The following VOPP1 variants were observed in gnomAD, a reference collection of about 807,000 sequenced individuals.
VOPP1 encodes the protein WW domain binding protein VOPP1.
A neutral mutation model predicts 23.5 loss-of-function variants in VOPP1; 8 were observed. That is an observed-to-expected ratio of 0.34 (90% CI 0.20 to 0.61). VOPP1 has a LOEUF of 0.61. Ranked by LOEUF, VOPP1 falls within the 20% of genes least tolerant of loss-of-function variation. The pLI is 0.78. For synonymous variants in VOPP1, 83 were observed against 97.3 expected (o/e 0.85, Z 0.86); for missense variants, 174 against 238.1 (o/e 0.73, Z 1.77).
At chr7:55,511,775 C>G (rs967624162) in intron 2 of VOPP1, among the ~76,000 whole-genome samples, 1 of 152,226 alleles carries the variant, frequency 6.6e-6, no homozygotes, top group African/African-American at 2.4e-5. Context: ...GTACTTCTTA[C>G]ATATATTGAT....
At chr7:55,554,830 CT>C (rs142083585) in intron 1 of VOPP1, among the ~76,000 whole-genome samples, 71 of 152,314 alleles carry the variant, frequency 4.7e-4, no homozygotes, top group African/African-American at 1.5e-3. Context: ...ACATAAACAA[CT>C]GTCATTGAAG....
chr7:55,535,101 T>TCAG (rs1214738950), intron 1 of VOPP1, among the ~76,000 whole-genome samples: 1 of 152,162 alleles, frequency 6.6e-6, no homozygotes, highest in Non-Finnish European at 1.5e-5. Context: ...GCTGGGGGAC[T>TCAG]CCTGACACTG....
chr7:55,441,365 G>A (rs1209083510), intron 4 of VOPP1, among the ~76,000 whole-genome samples: 1 of 152,214 alleles, frequency 6.6e-6, no homozygotes, highest in Non-Finnish European at 1.5e-5. Flanking sequence ...GACATCATCT[G>A]CTGATGCCTG....
chr7:55,451,778 G>A (rs111382704), intron 4 of VOPP1, among the ~76,000 whole-genome samples: 1,827 of 152,302 alleles, frequency 0.012, 13 homozygotes, highest in Admixed American at 0.021. Context: ...GCGACAGAGC[G>A]AGACTCTGTC....
Position 55,483,218 on chromosome 7 carries a change from C to T in VOPP1, c.328+9064G>A, listed in dbSNP as rs75522702. On this transcript the variant is annotated intron_variant, in intron 4 of 4. Transcript: ENST00000285279. ...CCTGCATCACCTATTTCATCATTCA[C>T]CTTGCTGAAATACAGACCCTGACTC... 7.6e-4 allele frequency among the ~76,000 whole-genome samples: 115 copies of T among 152,212 alleles called. No homozygotes were observed. In the East Asian group the frequency reaches 0.02, roughly 26 times the overall value.
chr7:55,572,364 C>T lies in VOPP1; in HGVS notation c.-40G>A, dbSNP rs1371763881. 5 of 1,293,380 alleles carry T rather than the reference C, an allele frequency of 3.9e-6. No homozygotes were observed. Among genetic ancestry groups the T allele is most frequent in the African/African-American group, 3.1e-5 (2 of 64,086 alleles). The allele number at this position is 1,293,380 out of a possible 1,614,324, so 80.1% of individuals were successfully genotyped here. The stretch of plus-strand genomic sequence containing the variant: ...TCTCCAGCGCGCCCGGACGCCGGGT[C>T]GCAGGCGCGCTTCGCGACTCGGCCC... On this transcript the variant is annotated 5_prime_UTR_variant, in exon 1 of 5. Coordinates refer to ENST00000285279, the MANE Select transcript of VOPP1 (RefSeq NM_030796.5).
intron 4 of VOPP1, among the ~76,000 whole-genome samples, chr7:55,459,623 A>G (rs1791449316): frequency 6.6e-6 from 1 of 152,016 alleles, no homozygotes; most frequent in Non-Finnish European, 1.5e-5. Context: ...CCAGGAATTT[A>G]CCCATTTCCT....
At chr7:55,480,072 A>G (rs1342855064) in intron 4 of VOPP1, among the ~76,000 whole-genome samples, 1 of 152,230 alleles carries the variant, frequency 6.6e-6, no homozygotes. Flanking sequence ...CAGTTTCCTA[A>G]ATATGATTCG....
At chr7:55,530,135 A>T (rs918271591) in intron 1 of VOPP1, among the ~76,000 whole-genome samples, 5 of 152,160 alleles carry the variant, frequency 3.3e-5, no homozygotes, top group African/African-American at 1.2e-4. Flanking sequence ...CAGGTCACAC[A>T]GTAACTCCTT....
rs192087148 is a variant in VOPP1 at position 55,566,294 on chromosome 7, T to C, written c.54+5977A>G. Among the ~76,000 whole-genome samples, 11 of 152,220 alleles carry C rather than the reference T, an allele frequency of 7.2e-5. No homozygotes were observed. The East Asian group carries it at 2.1e-3, about 29-fold the overall frequency. ...AGACTGTCTTATGTGCATTATAGAA[T>C]TTTGTCAGGAAAATTACACTGTCCC... On this transcript the variant is annotated intron_variant, in intron 1 of 4. Coordinates refer to ENST00000285279, the MANE Select transcript of VOPP1 (RefSeq NM_030796.5).
chr7:55,559,010 T>A (rs144750936), intron 1 of VOPP1, among the ~76,000 whole-genome samples: 1 of 152,202 alleles, frequency 6.6e-6, no homozygotes. Context: ...ATATTAATTT[T>A]ATTTGTGCCC....
At chr7:55,567,301 A>C (rs1331311826) in intron 1 of VOPP1, among the ~76,000 whole-genome samples, 2 of 152,252 alleles carry the variant, frequency 1.3e-5, no homozygotes, top group South Asian at 4.1e-4. Flanking sequence ...CATGGTAGAA[A>C]GTAAATTCTG....
chr7:55,502,503 C>CCCGGCTCCCATTG (rs1276804791), intron 2 of VOPP1, among the ~76,000 whole-genome samples: 1 of 152,210 alleles, frequency 6.6e-6, no homozygotes, highest in Non-Finnish European at 1.5e-5. Context: ...ATTGTGGATG[C>CCCGGCTCCCATTG]TGGCAGGCCC....
At chr7:55,493,396 C>T (rs889056153) in intron 3 of VOPP1, among the ~76,000 whole-genome samples, 1 of 152,188 alleles carries the variant, frequency 6.6e-6, no homozygotes, top group East Asian at 1.9e-4. Flanking sequence ...CAGAGCGGGT[C>T]GCAGTCAGTG....
chr7:55,447,423 C>T (rs537222469), intron 4 of VOPP1, among the ~76,000 whole-genome samples: 134 of 152,194 alleles, frequency 8.8e-4, no homozygotes, highest in Middle Eastern at 3.4e-3. Flanking sequence ...TGCTTGGGTT[C>T]GGGGCTGGTT....
At chr7:55,477,990 G>C (rs1454597032) in intron 4 of VOPP1, among the ~76,000 whole-genome samples, 1 of 152,176 alleles carries the variant, frequency 6.6e-6, no homozygotes, top group Non-Finnish European at 1.5e-5. Flanking sequence ...CTGCTCATTT[G>C]GCTACAACTC....
chr7:55,547,336 G>C (rs558868847), intron 1 of VOPP1, among the ~76,000 whole-genome samples: 1 of 152,338 alleles, frequency 6.6e-6, no homozygotes, highest in East Asian at 1.9e-4. Context: ...AATAGGAAGA[G>C]TGGCAGGCAA....
chr7:55,436,635 TGTGTGCGTGCGTGG>T (rs1212421504), intron 4 of VOPP1, among the ~76,000 whole-genome samples: 82 of 139,952 alleles, frequency 5.9e-4, no homozygotes, highest in African/African-American at 2.0e-3. Flanking sequence ...TGTGTGCGTG[TGTGTGCGTGCGTGG>T]GTGTGTGTGC....
At chr7:55,457,315 A>G (rs578057638) in intron 4 of VOPP1, among the ~76,000 whole-genome samples, 44 of 152,320 alleles carry the variant, frequency 2.9e-4, no homozygotes, top group African/African-American at 1.1e-3. Flanking sequence ...TTTAATAGCG[A>G]AACAGTATTC....
Sources: allele counts gnomAD v4.1 joint callset (sites outside exome capture counted in the v4.1 genomes callset), GRCh38; gene constraint gnomAD v4.1.1; transcripts MANE v1.5; gene names NCBI Gene and HGNC (gene_info 2026-07-23, HGNC 2026-07-21).